EVC2: variants seen among roughly 807,000 people sequenced by gnomAD.
EVC2 encodes EvC ciliary complex subunit 2.
A neutral mutation model predicts 149.3 loss-of-function variants in EVC2; 148 were observed. The ratio of observed to expected loss-of-function variants is 0.99; its 90% CI spans 0.87 to 1.14. The LOEUF is 1.14. Among genes scored for constraint, EVC2 ranks in the 50% most tolerant of loss-of-function variants. The pLI is 0.00. For synonymous variants in EVC2, 776 were observed against 649.9 expected (o/e 1.19, Z -2.95); for missense variants, 1,854 against 1,627.3 (o/e 1.14, Z -2.40).
At chr4:5,681,643 C>A (rs540314887) in intron 6 of EVC2, among the ~76,000 whole-genome samples, 27 of 152,334 alleles carry the variant, frequency 1.8e-4, no homozygotes, top group East Asian at 1.2e-3. Context: ...ACTCTCCCAG[C>A]GTCTGCCTCC....
At chr4:5,570,546 A>G (rs1203976767) in intron 19 of EVC2, among the ~76,000 whole-genome samples, 1 of 152,254 alleles carries the variant, frequency 6.6e-6, no homozygotes, top group Non-Finnish European at 1.5e-5. Flanking sequence ...CACTGCTGGC[A>G]GGAATGTAAA....
At chr4:5,700,484 CT>C (rs1393989753) in intron 1 of EVC2, among the ~76,000 whole-genome samples, 3 of 152,196 alleles carry the variant, frequency 2.0e-5, no homozygotes, top group African/African-American at 7.2e-5. Flanking sequence ...CAAAGCAGAC[CT>C]GGCCCCTGAC....
At position 5,581,261 on chromosome 4, in the gene EVC2, C is replaced by T. The variant is rs141193064; in HGVS notation, c.3057+3362G>A. ...AAAATGTGAAAGCAGCCTTGGAATT[C>T]GGTAACCAAAGGAGATTGGAAGAGT... On this transcript the variant is annotated intron_variant, in intron 17 of 21. Coordinates refer to ENST00000344408, the MANE Select transcript of EVC2 (RefSeq NM_147127.5). Among the ~76,000 whole-genome samples the T allele has an allele frequency of 2.4e-4, 36 of 152,282 alleles. No individual in the cohort carries two copies. In the South Asian group the frequency reaches 2.7e-3, roughly 11 times the overall value.
intron 9 of EVC2, among the ~76,000 whole-genome samples, chr4:5,643,954 C>A (rs1465412611): frequency 6.6e-6 from 1 of 152,204 alleles, no homozygotes. Flanking sequence ...TGTCATTATT[C>A]AGACTACCTC....
chr4:5,554,366 C>T (rs975657231), intron 21 of EVC2, among the ~76,000 whole-genome samples: 1 of 152,174 alleles, frequency 6.6e-6, no homozygotes, highest in East Asian at 1.9e-4. Context: ...TGAAAGTAGA[C>T]TCGCATAACT....
At chr4:5,568,801 A>C (rs1722472976) in intron 19 of EVC2, among the ~76,000 whole-genome samples, 161 bp from the exon 20 acceptor site, 1 of 152,302 alleles carries the variant, frequency 6.6e-6, no homozygotes, top group African/African-American at 2.4e-5. Context: ...CTGTCAAAAA[A>C]AACCTATTTG....
In EVC2 at chr4:5,631,838, T is replaced by A. The variant is rs1175217525; in HGVS notation, c.1665A>T (p.Lys555Asn). ...IKSAIFKGELKPEAAKMLLQN... is the reference protein window; with the variant it reads ...IKSAIFKGELNPEAAKMLLQN... ...GCAGCAGCATTTTAGCTGCCTCTGG[T>A]TTCAATTCCCCTTTGAAAATAGCAC... The change falls in exon 11 of 22, where the codon AAA becomes AAT. Residue 555 changes from lysine to asparagine, a missense_variant. Physicochemically the swap from Lys to Asn is moderately conservative, Grantham distance 94. Transcript: ENST00000344408. The A allele has an allele frequency of 6.2e-7, 1 of 1,614,168 alleles. No individual in the cohort carries two copies. The highest frequency in any genetic ancestry group is 1.7e-5 in the Admixed American group (1 of 60,028).
chr4:5,685,582 C>T, intron 5 of EVC2, 103 bp from the exon 6 acceptor site: 3 of 885,736 alleles, frequency 3.4e-6, no homozygotes, highest in Non-Finnish European at 5.4e-6. Flanking sequence ...TTCAGTGGTT[C>T]CAAGGGAGGC....
chr4:5,680,626 A>G (rs777454215), intron 7 of EVC2, among the ~76,000 whole-genome samples: 2 of 152,196 alleles, frequency 1.3e-5, no homozygotes, highest in Non-Finnish European at 2.9e-5. Context: ...AAATCACTTG[A>G]CTTTAATGTG....
intron 19 of EVC2, among the ~76,000 whole-genome samples, chr4:5,570,247 A>G (rs943042350): frequency 6.6e-6 from 1 of 152,224 alleles, no homozygotes; most frequent in African/African-American, 2.4e-5. Context: ...TTTGTTGGAT[A>G]AACAGTGACT....
At chr4:5,609,288 TC>T (rs1346332450) in intron 16 of EVC2, among the ~76,000 whole-genome samples, 1 of 152,184 alleles carries the variant, frequency 6.6e-6, no homozygotes, top group East Asian at 1.9e-4. Flanking sequence ...ATCAAGCAAC[TC>T]TTAGTTGTGG....
rs1714564371 is a variant in EVC2, at chr4:5,608,415, G to A, written c.2829+7007C>T. ...GACCTCCCACTCTCAAGACATGATT[G>A]TGATGGTTAATTTTATGTGTCACTG... is the stretch of plus-strand genomic sequence containing the variant. On this transcript the variant is annotated intron_variant, in intron 16 of 21. Transcript: ENST00000344408. Among the ~76,000 whole-genome samples the A allele has an allele frequency of 3.3e-5, 5 of 152,240 alleles. No individual in the cohort carries two copies. In the South Asian group the frequency reaches 1.0e-3, roughly 32 times the overall value.
intron 1 of EVC2, chr4:5,708,051 G>A (rs1192594733): frequency 1.2e-5 from 5 of 418,500 alleles, no homozygotes; most frequent in African/African-American, 2.1e-5. Flanking sequence ...TCGAACCAGG[G>A]TCGCTGGTGA....
intron 13 of EVC2, among the ~76,000 whole-genome samples, chr4:5,624,802 G>T (rs1046530856): frequency 6.6e-6 from 1 of 152,096 alleles, no homozygotes; most frequent in African/African-American, 2.4e-5. Context: ...CTTTCTGTTG[G>T]GTCCCAAACT....
intron 9 of EVC2, among the ~76,000 whole-genome samples, chr4:5,652,355 T>A (rs1441795561): frequency 6.6e-6 from 1 of 152,166 alleles, no homozygotes; most frequent in Non-Finnish European, 1.5e-5. Flanking sequence ...CATGTGACAC[T>A]GTATAAATGG....
At chr4:5,586,671 G>A (rs1712308849) in intron 16 of EVC2, among the ~76,000 whole-genome samples, 1 of 152,140 alleles carries the variant, frequency 6.6e-6, no homozygotes. Flanking sequence ...TAACCCAGAT[G>A]TTCCTTTCTA....
At chr4:5,652,125 G>A (rs187049362) in intron 9 of EVC2, among the ~76,000 whole-genome samples, 1 of 152,182 alleles carries the variant, frequency 6.6e-6, no homozygotes, top group Admixed American at 6.6e-5. Context: ...GTGTGTGAAT[G>A]GACTGGACGG....
intron 21 of EVC2, among the ~76,000 whole-genome samples, chr4:5,544,798 A>G (rs1721582124): frequency 6.6e-6 from 1 of 152,196 alleles, no homozygotes; most frequent in Non-Finnish European, 1.5e-5. Context: ...ATTGGGACCC[A>G]CAGATCAAAA....
intron 1 of EVC2, chr4:5,707,944 G>C (rs1300975141): frequency 1.0e-5 from 2 of 200,060 alleles, no homozygotes; most frequent in African/African-American, 4.6e-5. Context: ...TCCACCCTCT[G>C]GGGTGGACGC....
Sources: gnomAD v4.1 joint callset for allele counts (sites outside exome capture counted in the v4.1 genomes callset) on GRCh38, gnomAD v4.1.1 for gene constraint, MANE v1.5 for transcripts, NCBI Gene and HGNC (gene_info 2026-07-23, HGNC 2026-07-21) for gene names.